Variants in CSMD2 observed in about 807,000 individuals in gnomAD.
CSMD2 encodes CUB and sushi domain-containing protein 2.
Under a neutral mutation model 398.5 loss-of-function variants are expected in CSMD2, and 130 were observed. The ratio of observed to expected loss-of-function variants is 0.33; its 90% CI spans 0.28 to 0.38. CSMD2 has a LOEUF of 0.38. CSMD2 is among the 10% of genes least tolerant of loss of function. The pLI, the probability that CSMD2 is intolerant of heterozygous loss-of-function variation, is 1.00. For missense variants in CSMD2, 3,829 were observed against 4,764.9 expected, an observed-to-expected ratio of 0.80 and a Z score of 5.78; for synonymous variants, 1,828 against 1,908.5, an observed-to-expected ratio of 0.96 and a Z score of 1.10.
At chr1:33,748,805 G>A (rs1647761078) in intron 13 of CSMD2, among the ~76,000 whole-genome samples, 1 of 152,180 alleles carries the variant, frequency 6.6e-6, no homozygotes, top group East Asian at 1.9e-4. Flanking sequence ...TTATGAGTGT[G>A]TATATTATAT....
At chr1:33,605,914 T>C (rs373012944) in intron 41 of CSMD2, 7 of 1,613,476 alleles carry the variant, frequency 4.3e-6, no homozygotes, top group African/African-American at 4.0e-5. Context: ...ACGGGAGGAG[T>C]TGAGTTGGTT....
Position 33,819,812 on chromosome 1 carries a change from A to AG in CSMD2, c.1224dup (p.Cys409LeufsTer6). 1 of 1,614,158 alleles carries AG rather than the reference A, an allele frequency of 6.2e-7. No individual in the cohort carries two copies. Among genetic ancestry groups the AG allele is most frequent in the Non-Finnish European group, 8.5e-7 (1 of 1,180,006 alleles). On this transcript the variant is annotated frameshift_variant, in exon 9 of 71. Coordinates refer to ENST00000373381, the MANE Select transcript of CSMD2 (RefSeq NM_001281956.2). LOFTEE classifies it high-confidence loss of function. ...CCTTGCAGGTCATAGCCCTCGTTGC[A>AG]GGTGAACTGGACGCTGGATCCTAAC...
intron 21 of CSMD2, among the ~76,000 whole-genome samples, chr1:33,710,773 AACATAAG>A (rs371332160): frequency 0.9 from 136,883 of 152,152 alleles, 61,773 homozygotes; most frequent in African/African-American, 0.97. Context: ...AGAACATGGA[AACATAAG>A]CTGCTCATGG....
intron 2 of CSMD2, among the ~76,000 whole-genome samples, chr1:34,049,197 T>C (rs1236734380): frequency 6.6e-6 from 1 of 152,082 alleles, no homozygotes; most frequent in Non-Finnish European, 1.5e-5. Flanking sequence ...TTGCAGTTAA[T>C]AGCAAAGAGG....
chr1:33,582,717 T>C (rs1638812423), intron 47 of CSMD2, among the ~76,000 whole-genome samples: 1 of 151,656 alleles, frequency 6.6e-6, no homozygotes, highest in Non-Finnish European at 1.5e-5. Context: ...GCCAGAGGAG[T>C]GGTGTATGAA....
intron 3 of CSMD2, among the ~76,000 whole-genome samples, chr1:33,939,975 G>A (rs562909661): frequency 2.0e-5 from 3 of 152,318 alleles, no homozygotes; most frequent in African/African-American, 7.2e-5. Context: ...TAGGACTCCT[G>A]TAACAGCACC....
intron 5 of CSMD2, among the ~76,000 whole-genome samples, chr1:33,876,865 C>G (rs957869696): frequency 6.6e-6 from 1 of 152,178 alleles, no homozygotes; most frequent in Non-Finnish European, 1.5e-5. Flanking sequence ...TTGCTTGGCT[C>G]TGGTCCGGAG....
chr1:33,744,495 C>T lies in CSMD2; in HGVS notation c.1847-889G>A, dbSNP rs374051985. Among the ~76,000 whole-genome samples the T allele has an allele frequency of 4.6e-5, 7 of 152,196 alleles. No homozygotes were observed. In the South Asian group the frequency reaches 1.5e-3, roughly 32 times the overall value. On this transcript the variant is annotated intron_variant, in intron 13 of 70. Transcript: ENST00000373381. ...CCCTATTTCACCCTAAGGATCCACC[C>T]TTCCAAAAACCCTTATTTTAAGCTA...
intron 7 of CSMD2, among the ~76,000 whole-genome samples, chr1:33,821,706 G>C (rs1181327741): frequency 6.6e-6 from 1 of 152,162 alleles, no homozygotes; most frequent in African/African-American, 2.4e-5. Context: ...AATGCGAAAG[G>C]TAGTCAGATA....
chr1:33,927,495 C>T (rs1204618824), intron 4 of CSMD2, among the ~76,000 whole-genome samples: 5 of 152,128 alleles, frequency 3.3e-5, no homozygotes, highest in East Asian at 1.9e-4. Flanking sequence ...TTCAAACCCT[C>T]GAGAGCATAG....
At chr1:33,613,448 T>C (rs533649865) in intron 40 of CSMD2, among the ~76,000 whole-genome samples, 1 of 152,222 alleles carries the variant, frequency 6.6e-6, no homozygotes, top group East Asian at 1.9e-4. Flanking sequence ...TTGCTCCCAG[T>C]TTCCTTCAGA....
At chr1:33,616,244 C>A (rs559599338) in intron 39 of CSMD2, among the ~76,000 whole-genome samples, 2 of 151,464 alleles carry the variant, frequency 1.3e-5, no homozygotes. Context: ...TCTTGTCTTT[C>A]GTTTTTTTTT....
intron 13 of CSMD2, among the ~76,000 whole-genome samples, chr1:33,765,483 T>A (rs771910264): frequency 2.6e-5 from 4 of 152,220 alleles, no homozygotes; most frequent in Non-Finnish European, 5.9e-5. Context: ...GGAAATGAAT[T>A]ACTTAATAAA....
intron 5 of CSMD2, chr1:33,869,374 G>A (rs1558030901): frequency 6.6e-6 from 1 of 152,222 alleles, no homozygotes; most frequent in Non-Finnish European, 1.5e-5. Flanking sequence ...AAAACCAAAT[G>A]TGGGAACTGT....
chr1:33,613,647 G>A lies in CSMD2; in HGVS notation c.6133+857C>T, dbSNP rs1055129399. ...CAGGCTGAATAATGAAGGATAAAAT[G>A]GGAGATCTTCATTTCTGAGGCTCAC... is the stretch of plus-strand genomic sequence containing the variant. On this transcript the variant is annotated intron_variant, in intron 40 of 70. Coordinates refer to ENST00000373381, the MANE Select transcript of CSMD2 (RefSeq NM_001281956.2). Among the ~76,000 whole-genome samples the A allele has an allele frequency of 3.3e-5, 5 of 152,254 alleles. No individual in the cohort carries two copies. In the East Asian group the frequency reaches 7.7e-4, roughly 24 times the overall value.
chr1:33,871,888 G>A lies in CSMD2; in HGVS notation c.921-24892C>T, dbSNP rs185521747. Among the ~76,000 whole-genome samples, 695 of 152,226 alleles carry A rather than the reference G, an allele frequency of 4.6e-3. 9 individuals carry two copies. The highest frequency in any genetic ancestry group is 0.016 in the African/African-American group (647 of 41,540). On this transcript the variant is annotated intron_variant, in intron 5 of 70. Coordinates refer to ENST00000373381, the MANE Select transcript of CSMD2 (RefSeq NM_001281956.2). ...TCCCAAAGTGCTGGGATTACGGCAC[G>A]AGCCATCATGCCTGGCCTCTTCCTG...
intron 6 of CSMD2, among the ~76,000 whole-genome samples, chr1:33,830,520 T>C (rs1430287629): frequency 2.0e-5 from 3 of 151,972 alleles, no homozygotes; most frequent in Admixed American, 1.3e-4. Context: ...TACATCACCA[T>C]CATCAAAGAC....
At chr1:34,075,438 G>A (rs1260168642) in intron 2 of CSMD2, among the ~76,000 whole-genome samples, 1 of 152,224 alleles carries the variant, frequency 6.6e-6, no homozygotes, top group Non-Finnish European at 1.5e-5. Context: ...CAAATTTGTG[G>A]ATTTTTACAA....
intron 6 of CSMD2, among the ~76,000 whole-genome samples, chr1:33,836,593 C>G (rs1282315980): frequency 6.6e-6 from 1 of 152,200 alleles, no homozygotes; most frequent in Non-Finnish European, 1.5e-5. Context: ...TCGCTGCCAC[C>G]TTGCAGTTTG....
Sources: gnomAD v4.1 joint callset for allele counts (sites outside exome capture counted in the v4.1 genomes callset) on GRCh38, gnomAD v4.1.1 for gene constraint, MANE v1.5 for transcripts, NCBI Gene and HGNC (gene_info 2026-07-23, HGNC 2026-07-21) for gene names.